The following EGLN1 variants were observed in gnomAD, a reference collection of about 807,000 sequenced individuals.
The protein encoded by EGLN1 is egl-9 family hypoxia inducible factor 1, also known as egl nine homolog 1.
Under a neutral mutation model 38.3 loss-of-function variants are expected in EGLN1, and 17 were observed. That is an observed-to-expected ratio of 0.44 (90% confidence interval 0.30 to 0.67). The LOEUF is 0.67. Ranked by LOEUF, EGLN1 falls within the 30% of genes least tolerant of loss-of-function variation. EGLN1 has a pLI of 0.08. For synonymous variants in EGLN1, 283 were observed against 257.5 expected (o/e 1.10, Z -0.95); for missense variants, 477 against 603.3 (o/e 0.79, Z 2.19).
At chr1:231,405,696 CCA>C (rs1268603062) in intron 1 of EGLN1, among the ~76,000 whole-genome samples, 1 of 152,012 alleles carries the variant, frequency 6.6e-6, no homozygotes, top group Non-Finnish European at 1.5e-5. Context: ...CTTCCCCACC[CCA>C]CACTACTGTT....
intron 1 of EGLN1, among the ~76,000 whole-genome samples, chr1:231,419,191 A>C (rs1367110462): frequency 6.6e-6 from 1 of 152,200 alleles, no homozygotes; most frequent in African/African-American, 2.4e-5. Context: ...ACCTGCTAAT[A>C]TGTACAGTTA....
intron 1 of EGLN1, among the ~76,000 whole-genome samples, chr1:231,392,211 T>C (rs2248646): frequency 0.55 from 82,776 of 151,800 alleles, 24,175 homozygotes; most frequent in Non-Finnish European, 0.65. Context: ...GGCGTGAACC[T>C]GGGAGGTGGA....
At chr1:231,409,436 T>C (rs1182425098) in intron 1 of EGLN1, among the ~76,000 whole-genome samples, 3 of 152,118 alleles carry the variant, frequency 2.0e-5, no homozygotes, top group Non-Finnish European at 1.5e-5. Context: ...CTGGGCACTG[T>C]GGTACCTTCA....
chr1:231,397,206 A>C (rs1688551940), intron 1 of EGLN1, among the ~76,000 whole-genome samples: 1 of 152,266 alleles, frequency 6.6e-6, no homozygotes. Context: ...GGTTCGCTAC[A>C]AACAAGACAT....
At chr1:231,390,749 T>TA (rs1688345718) in intron 1 of EGLN1, among the ~76,000 whole-genome samples, 1 of 152,230 alleles carries the variant, frequency 6.6e-6, no homozygotes, top group African/African-American at 2.4e-5. Flanking sequence ...AAGAAGAGCA[T>TA]AAGGCAGCAC....
At chr1:231,382,063 G>T (rs980379211) in intron 1 of EGLN1, among the ~76,000 whole-genome samples, 1 of 152,216 alleles carries the variant, frequency 6.6e-6, no homozygotes, top group Non-Finnish European at 1.5e-5. Context: ...TTCGTTGGAA[G>T]AGTCTGCAAT....
rs774937283 is a variant in EGLN1 at position 231,364,557 on chromosome 1, A to C, written c.*1854T>G. The stretch of plus-strand genomic sequence containing the variant: ...GCAAATTCTCCTAAGTGAGATCACT[A>C]TACTGAACATTCAATCCCATCCTAA... On this transcript the variant is annotated 3_prime_UTR_variant, in exon 5 of 5. Transcript: ENST00000366641. The C allele has an allele frequency of 2.6e-5, 4 of 152,230 alleles. No individual in the cohort carries two copies. The highest frequency in any genetic ancestry group is 5.9e-5 in the Non-Finnish European group (4 of 68,032). 9.4% of individuals were successfully genotyped at this position (152,230 alleles called of 1,614,324 possible).
chr1:231,403,715 G>A (rs957515562), intron 1 of EGLN1, among the ~76,000 whole-genome samples: 1 of 138,490 alleles, frequency 7.2e-6, no homozygotes, highest in Non-Finnish European at 1.5e-5. Context: ...AGAGGTGGAG[G>A]TTGCAGTGAG....
intron 1 of EGLN1, among the ~76,000 whole-genome samples, chr1:231,380,503 T>C (rs932330782): frequency 1.0e-4 from 13 of 129,562 alleles, no homozygotes; most frequent in African/African-American, 3.4e-4. Context: ...GGGCATATAG[T>C]TTCCTTAAAA....
At chr1:231,394,712 G>T (rs1261542967) in intron 1 of EGLN1, among the ~76,000 whole-genome samples, 3 of 151,902 alleles carry the variant, frequency 2.0e-5, no homozygotes, top group Non-Finnish European at 2.9e-5. Flanking sequence ...TTATTCACTA[G>T]ATGGAGATAT....
intron 1 of EGLN1, among the ~76,000 whole-genome samples, chr1:231,375,354 C>T (rs536645623): frequency 3.9e-4 from 59 of 151,986 alleles, no homozygotes; most frequent in East Asian, 1.9e-4. Flanking sequence ...CCACGCCACC[C>T]GGTTTGTTAT....
intron 4 of EGLN1, among the ~76,000 whole-genome samples, chr1:231,367,238 A>C (rs1032140155): frequency 6.6e-6 from 1 of 152,216 alleles, no homozygotes; most frequent in African/African-American, 2.4e-5. Context: ...TAATTTAAGG[A>C]GTGAATGAGA....
Position 231,421,520 on chromosome 1 carries a change from G to C in EGLN1, c.369C>G (p.Ala123=), listed in dbSNP as rs977096708. Residue 123 remains alanine (A), a synonymous_variant, in exon 1 of 5, where the codon GCC becomes GCG. Transcript: ENST00000366641. This position sits in a 1 kb window ranked among gnomAD's most constrained non-coding sequence, Gnocchi z 5.5. ...CGGCGGCCGCACGACACGGCGACGC[G>C]GCCGCCGCTGGGTCGGCCGGGGGCT... ...KAKPPADPAA[A]ASPCRAAAGG... 147 of 1,308,814 alleles carry C rather than the reference G, an allele frequency of 1.1e-4. No homozygotes were observed. The highest frequency in any genetic ancestry group is 1.4e-4 in the Non-Finnish European group (141 of 1,029,622). 81.1% of individuals were successfully genotyped at this position (1,308,814 alleles called of 1,614,324 possible). A position where few individuals can be genotyped will look rare whatever the true frequency, so the allele number is the denominator to read the frequency against.
chr1:231,369,161 G>A (rs572556584), intron 3 of EGLN1, among the ~76,000 whole-genome samples: 6 of 151,808 alleles, frequency 4.0e-5, no homozygotes, highest in South Asian at 2.1e-4. Context: ...GAACAACTAC[G>A]CCTTTTCCCC....
intron 1 of EGLN1, among the ~76,000 whole-genome samples, chr1:231,415,816 C>T (rs1332003445): frequency 6.6e-6 from 1 of 152,054 alleles, no homozygotes; most frequent in Non-Finnish European, 1.5e-5. Context: ...AGGATCCAAC[C>T]CAGATCTAAT....
intron 1 of EGLN1, among the ~76,000 whole-genome samples, chr1:231,418,269 A>G (rs903775236): frequency 4.6e-5 from 7 of 152,250 alleles, no homozygotes; most frequent in African/African-American, 1.7e-4. Context: ...GTCACCTAAT[A>G]AAAAGTTTTA....
intron 1 of EGLN1, among the ~76,000 whole-genome samples, chr1:231,418,770 CA>C (rs1353194058): frequency 6.6e-6 from 1 of 150,526 alleles, no homozygotes; most frequent in African/African-American, 2.4e-5. Context: ...GCTGAGATGG[CA>C]GGATAGCTTG....
intron 1 of EGLN1, among the ~76,000 whole-genome samples, chr1:231,401,475 G>A (rs1043609134): frequency 1.3e-5 from 2 of 152,126 alleles, no homozygotes; most frequent in Non-Finnish European, 2.9e-5. Context: ...CAAAAACCTT[G>A]TTAAAATGTA....
intron 1 of EGLN1, among the ~76,000 whole-genome samples, chr1:231,381,945 T>TC (rs890356187): frequency 2.0e-5 from 3 of 152,152 alleles, no homozygotes; most frequent in Non-Finnish European, 2.9e-5. Flanking sequence ...CTCAGCTTGA[T>TC]CCCCACCCAG....
Sources: gnomAD v4.1 joint callset for allele counts (sites outside exome capture counted in the v4.1 genomes callset) on GRCh38, gnomAD v4.1.1 for gene constraint, Gnocchi (gnomAD v3.1) non-coding constraint, MANE v1.5 for transcripts, NCBI Gene and HGNC (gene_info 2026-07-23, HGNC 2026-07-21) for gene names.